The following GPBP1L1 variants were observed in gnomAD, a reference collection of about 807,000 sequenced individuals.
The protein encoded by GPBP1L1 is GC-rich promoter binding protein 1 like 1, also known as vasculin-like protein 1.
GPBP1L1 carries 23 observed loss-of-function variants against 52.5 expected under a neutral mutation model. That is an observed-to-expected ratio of 0.44 (90% confidence interval 0.32 to 0.62). GPBP1L1 has a LOEUF of 0.62. Among genes scored for constraint, GPBP1L1 ranks in the 20% least tolerant of loss-of-function variants. GPBP1L1 has a pLI of 0.06. For missense variants in GPBP1L1, 596 were observed against 579.3 expected, an observed-to-expected ratio of 1.03 and a Z score of -0.30; for synonymous variants, 243 against 203.1, an observed-to-expected ratio of 1.20 and a Z score of -1.67.
chr1:45,672,726 T>C (rs148105885), intron 2 of GPBP1L1, among the ~76,000 whole-genome samples: 6 of 152,200 alleles, frequency 3.9e-5, no homozygotes, highest in South Asian at 2.1e-4. Context: ...GCTTTAAAGA[T>C]TGGGGAGACT....
At chr1:45,637,397 G>A (rs1295805636) in intron 8 of GPBP1L1, among the ~76,000 whole-genome samples, 3 of 152,014 alleles carry the variant, frequency 2.0e-5, no homozygotes, top group Non-Finnish European at 2.9e-5. Flanking sequence ...AATTTTCCCA[G>A]GAAGAATGTC....
rs1288287464 is a variant in GPBP1L1, at chr1:45,640,419, G to A, written c.551-16C>T. The A allele has an allele frequency of 1.4e-5, 23 of 1,603,052 alleles. No homozygotes were observed. The highest frequency in any genetic ancestry group is 1.8e-5 in the Non-Finnish European group (21 of 1,171,272). On this transcript the variant is annotated splice_polypyrimidine_tract_variant and intron_variant, in intron 7 of 12. Transcript: ENST00000355105. ...GGCGGGTTTTCTGTGAAGTACAAGA[G>A]TGGAGAGACAACAGAATGTCAAACC...
At chr1:45,632,750 A>G (rs951900902) in intron 10 of GPBP1L1, among the ~76,000 whole-genome samples, 14 of 152,186 alleles carry the variant, frequency 9.2e-5, no homozygotes, top group African/African-American at 3.4e-4. Flanking sequence ...GAAGAGTCAA[A>G]TCACAGACTT....
intron 6 of GPBP1L1, chr1:45,646,062 T>C (rs565506613): frequency 8.3e-6 from 4 of 484,834 alleles, no homozygotes; most frequent in Non-Finnish European, 1.6e-5. Flanking sequence ...TTTGCCAATG[T>C]AACGATGCTT....
intron 6 of GPBP1L1, chr1:45,645,884 C>T (rs1644738724): frequency 2.0e-6 from 1 of 503,752 alleles, no homozygotes; most frequent in Non-Finnish European, 3.8e-6. Context: ...TCCATGATAC[C>T]AGCTAAGGCT....
rs1644482974 is a variant in GPBP1L1 at position 45,628,240 on chromosome 1, G to C, written c.*16C>G. ...AGAGTTTACTGGGTCAGATTTAACTGTGAGCATTTATATGCCTACTTCCAG... is the reference window on the plus strand; with the variant it reads ...AGAGTTTACTGGGTCAGATTTAACTCTGAGCATTTATATGCCTACTTCCAG... On this transcript the variant is annotated 3_prime_UTR_variant, in exon 13 of 13. Transcript: ENST00000355105. 6.2e-7 allele frequency: 1 copy of C among 1,612,324 alleles called. No individual in the cohort carries two copies. Among genetic ancestry groups the C allele is most frequent in the African/African-American group, 1.3e-5 (1 of 74,890 alleles).
chr1:45,633,666 C>G lies in GPBP1L1; in HGVS notation c.886-19G>C. ...AGGGACTCTGGGCAAATACCACAAA[C>G]AGGTTGCTCCTGACAGCAAAGAGCA... is the stretch of plus-strand genomic sequence containing the variant. On this transcript the variant is annotated intron_variant, in intron 9 of 12. Transcript: ENST00000355105. 1 of 1,611,530 alleles carries G rather than the reference C, an allele frequency of 6.2e-7. No individual in the cohort carries two copies. Among genetic ancestry groups the G allele is most frequent in the Non-Finnish European group, 8.5e-7 (1 of 1,178,992 alleles).
rs1644475514 is a variant in GPBP1L1, at chr1:45,627,825, T to C, written c.*431A>G. On this transcript the variant is annotated 3_prime_UTR_variant, in exon 13 of 13. Transcript: ENST00000355105. ...AAAATAAAATAAAATATCCAAATTA[T>C]TAGCATTAATTTAATACAATTATAA... 1 of 153,174 alleles carries C rather than the reference T, an allele frequency of 6.5e-6. No individual in the cohort carries two copies. Among genetic ancestry groups the C allele is most frequent in the Non-Finnish European group, 1.5e-5 (1 of 68,606 alleles). The allele number at this position is 153,174 out of a possible 1,614,324, so 9.5% of individuals were successfully genotyped here.
chr1:45,658,738 T>C (rs1644912386), intron 4 of GPBP1L1: 2 of 368,824 alleles, frequency 5.4e-6, no homozygotes, highest in Admixed American at 4.5e-5. Flanking sequence ...AAAACCAGCC[T>C]GGGCAACATG....
chr1:45,658,725 T>G, intron 4 of GPBP1L1: 1 of 341,472 alleles, frequency 2.9e-6, no homozygotes. Flanking sequence ...AGCTTAGGAG[T>G]TGAAAACCAG....
intron 6 of GPBP1L1, 23 bp from the exon 7 acceptor site, chr1:45,642,522 G>T (rs771071093): frequency 6.3e-7 from 1 of 1,587,968 alleles, no homozygotes; most frequent in Non-Finnish European, 8.6e-7. Flanking sequence ...GGATATGAAT[G>T]GTTGATACAG....
chr1:45,647,584 T>A (rs2148455533), intron 6 of GPBP1L1, among the ~76,000 whole-genome samples: 1 of 152,240 alleles, frequency 6.6e-6, no homozygotes, highest in East Asian at 1.9e-4. Context: ...ATGGAGAGAT[T>A]TTTACTTCCT....
chr1:45,672,856 G>A (rs977870916), intron 2 of GPBP1L1, among the ~76,000 whole-genome samples: 1 of 152,190 alleles, frequency 6.6e-6, no homozygotes, highest in Non-Finnish European at 1.5e-5. Context: ...ACTCATCACT[G>A]GATTCACATG....
At chr1:45,647,870 C>A (rs989431831) in intron 6 of GPBP1L1, among the ~76,000 whole-genome samples, 1 of 152,174 alleles carries the variant, frequency 6.6e-6, no homozygotes, top group Non-Finnish European at 1.5e-5. Flanking sequence ...GGGACTCATT[C>A]TTGGACACAC....
intron 6 of GPBP1L1, among the ~76,000 whole-genome samples, chr1:45,646,810 G>A (rs1289729492): frequency 6.6e-6 from 1 of 151,968 alleles, no homozygotes; most frequent in African/African-American, 2.4e-5. Context: ...GCCCCCCTCG[G>A]CCTCCCAAAC....
chr1:45,644,191 T>A (rs1294898419), intron 6 of GPBP1L1, among the ~76,000 whole-genome samples: 3 of 152,130 alleles, frequency 2.0e-5, no homozygotes, highest in Non-Finnish European at 4.4e-5. Flanking sequence ...AGTGACAGAT[T>A]TTCAAGGACA....
At chr1:45,678,370 C>T (rs979915201) in intron 2 of GPBP1L1, among the ~76,000 whole-genome samples, 3 of 152,236 alleles carry the variant, frequency 2.0e-5, no homozygotes, top group Non-Finnish European at 2.9e-5. Context: ...CCTTCGCCAC[C>T]AAGGTAACAC....
chr1:45,630,304 G>A (rs6703748), intron 11 of GPBP1L1, among the ~76,000 whole-genome samples, 178 bp downstream of exon 11: 43,076 of 152,096 alleles, frequency 0.28, 6,232 homozygotes, highest in South Asian at 0.36. Context: ...AGATGGCTGA[G>A]TTTGAGAGAG....
intron 12 of GPBP1L1, 114 bp downstream of exon 12, chr1:45,629,462 C>T (rs889370592): frequency 4.3e-5 from 6 of 138,158 alleles, no homozygotes; most frequent in East Asian, 4.3e-4. Flanking sequence ...AATCCCCCCC[C>T]CCCCCACCCG....
Sources: gnomAD v4.1 joint callset for allele counts (sites outside exome capture counted in the v4.1 genomes callset) on GRCh38, gnomAD v4.1.1 for gene constraint, MANE v1.5 for transcripts, NCBI Gene and HGNC (gene_info 2026-07-23, HGNC 2026-07-21) for gene names.